OTOA: variants seen among roughly 807,000 people sequenced by gnomAD.
OTOA encodes otoancorin.
Under a neutral mutation model 110.8 loss-of-function variants are expected in OTOA, and 70 were observed. The ratio of observed to expected loss-of-function variants is 0.63; its 90% confidence interval spans 0.52 to 0.77. The LOEUF is 0.77. Among genes scored for constraint, OTOA ranks in the 30% least tolerant of loss-of-function variants. The pLI, the probability that OTOA is intolerant of heterozygous loss-of-function variation, is 0.00. For missense variants in OTOA, 917 were observed against 1,075.8 expected (o/e 0.85, Z 2.06); for synonymous variants, 373 against 431.5 (o/e 0.86, Z 1.68).
Position 21,678,528 on chromosome 16 carries a change from C to T in OTOA, c.14C>T (p.Pro5Leu). 1 of 1,613,310 alleles carries T rather than the reference C, an allele frequency of 6.2e-7. No homozygotes were observed. Among genetic ancestry groups the T allele is most frequent in the Non-Finnish European group, 8.5e-7 (1 of 1,179,782 alleles). Residue 5 changes from proline to leucine, a missense_variant, in exon 2 of 29, where the codon CCT becomes CTT. This residue lies in a region of OTOA where 840 missense variants were observed against 910.2 expected (regional missense o/e 0.92). Transcript: ENST00000646100. The part of the protein sequence containing the change: MSQE[P>L]TTYSLFLFLF... ...AACTACAGGAGAATGTCTCAGGAAC[C>T]TACGACATACTCCCTTTTCCTATTC...
intron 11 of OTOA, among the ~76,000 whole-genome samples, chr16:21,703,484 T>C (rs748092190): frequency 3.3e-4 from 51 of 152,292 alleles, no homozygotes; most frequent in Non-Finnish European, 6.2e-4. Flanking sequence ...GAGCATTCCA[T>C]TGTGTATCCA....
chr16:21,701,072 G>T (rs1468287152), intron 11 of OTOA, 45 bp downstream of exon 11: 2 of 1,613,290 alleles, frequency 1.2e-6, no homozygotes, highest in Non-Finnish European at 1.7e-6. Context: ...CCCAAGATGT[G>T]ATCTAAGCAT....
rs759489392 is a variant in OTOA at position 21,684,481 on chromosome 16, T to C, written c.268-749T>C. ...TAGCTTGGGTTTGGGCACAGTGCCA[T>C]CTGGGGTTCTAAACTTCCTGGACAA... On this transcript the variant is annotated intron_variant, in intron 6 of 28. Coordinates refer to ENST00000646100, the MANE Select transcript of OTOA (RefSeq NM_144672.4). 2.8e-4 allele frequency: 438 copies of C among 1,548,910 alleles called. 1 individual carries two copies. The highest frequency in any genetic ancestry group is 3.9e-4 in the East Asian group (16 of 40,842).
chr16:21,701,053 G>T (rs553929804), intron 11 of OTOA, 26 bp downstream of exon 11: 1 of 1,613,996 alleles, frequency 6.2e-7, no homozygotes, highest in Non-Finnish European at 8.5e-7. Flanking sequence ...CTGGGCCTTG[G>T]AGCCCTTTCC....
At chr16:21,731,848 C>T (rs527908720) in intron 21 of OTOA, among the ~76,000 whole-genome samples, 4 of 152,364 alleles carry the variant, frequency 2.6e-5, no homozygotes, top group African/African-American at 7.2e-5. Context: ...TGAACACACA[C>T]AACTTCACCT....
In OTOA at chr16:21,723,023, G is replaced by A. The variant is rs201379117; in HGVS notation, c.1880+45G>A. ...CACCTTCTGGCTCATCAGTGAGATCGGTGGGAATCACTGAAGTCAAAATGA... is the reference window on the plus strand; with the variant it reads ...CACCTTCTGGCTCATCAGTGAGATCAGTGGGAATCACTGAAGTCAAAATGA... On this transcript the variant is annotated intron_variant, in intron 18 of 28. Transcript: ENST00000646100. 1.1e-5 allele frequency: 17 copies of A among 1,578,882 alleles called. No individual in the cohort carries two copies. In the East Asian group the frequency reaches 1.1e-4, roughly 10 times the overall value.
intron 8 of OTOA, among the ~76,000 whole-genome samples, chr16:21,688,770 A>C (rs1308009981): frequency 1.3e-5 from 2 of 151,612 alleles, no homozygotes; most frequent in African/African-American, 4.9e-5. Flanking sequence ...TGACCTAATC[A>C]CCTCCTCAAA....
chr16:21,722,699 A>C (rs1355045204), intron 17 of OTOA, among the ~76,000 whole-genome samples: 1 of 152,146 alleles, frequency 6.6e-6, no homozygotes, highest in Non-Finnish European at 1.5e-5. Context: ...GAGCATTCTC[A>C]CACTTAAATG....
chr16:21,720,890 A>G lies in OTOA; in HGVS notation c.1806+1386A>G, dbSNP rs190704815. On this transcript the variant is annotated intron_variant, in intron 17 of 28. Transcript: ENST00000646100. ...TGCCTTTCTCGTTTATATTTTTACT[A>G]AAACACATTATTATTATTATTATTA... Among the ~76,000 whole-genome samples the G allele has an allele frequency of 3.5e-3, 438 of 123,984 alleles. 2 individuals carry two copies. The highest frequency in any genetic ancestry group is 5.5e-3 in the Admixed American group (68 of 12,362). The allele number at this position is 123,984 out of a possible 152,430, so 81.3% of individuals were successfully genotyped here. A position where few individuals can be genotyped will look rare whatever the true frequency, so the allele number is the denominator to read the frequency against.
chr16:21,717,451 A>T (rs1272565261), intron 15 of OTOA, among the ~76,000 whole-genome samples: 1 of 152,130 alleles, frequency 6.6e-6, no homozygotes, highest in Admixed American at 6.6e-5. Flanking sequence ...TTAAAAAAAA[A>T]GTTAGACAAG....
chr16:21,679,609 T>G (rs564243363), intron 5 of OTOA, among the ~76,000 whole-genome samples: 25 of 152,258 alleles, frequency 1.6e-4, no homozygotes, highest in Non-Finnish European at 3.4e-4. Flanking sequence ...TTCACCATGT[T>G]GGCCAGGCTG....
At chr16:21,756,231 A>T (rs976239003) in intron 27 of OTOA, among the ~76,000 whole-genome samples, 1 of 151,362 alleles carries the variant, frequency 6.6e-6, no homozygotes, top group Admixed American at 6.6e-5. Flanking sequence ...TTCAGAAGAC[A>T]CCTTGTTCAC....
chr16:21,702,819 G>A (rs905306772), intron 11 of OTOA, among the ~76,000 whole-genome samples: 1 of 152,070 alleles, frequency 6.6e-6, no homozygotes, highest in African/African-American at 2.4e-5. Context: ...GGGACTACAG[G>A]CACACGCCAC....
At chr16:21,699,883 C>T (rs1318685093) in intron 10 of OTOA, among the ~76,000 whole-genome samples, 1 of 151,970 alleles carries the variant, frequency 6.6e-6, no homozygotes, top group Non-Finnish European at 1.5e-5. Context: ...TGTGCCACTG[C>T]ACTCCAGCCT....
rs1260017531 is a variant in OTOA, at chr16:21,706,556, A to G, written c.1104+1264A>G. 5.3e-5 allele frequency among the ~76,000 whole-genome samples: 8 copies of G among 152,284 alleles called. No individual in the cohort carries two copies. In the South Asian group the frequency reaches 8.3e-4, roughly 16 times the overall value. On this transcript the variant is annotated intron_variant, in intron 12 of 28. Transcript: ENST00000646100. ...AGGGTGGTTATGAGTTCCCAAGACC[A>G]GATGAGCAAACACGCTCTCTCTCAT...
At chr16:21,679,122 A>G (rs1420505705) in intron 4 of OTOA, 56 bp downstream of exon 4, 2 of 1,612,926 alleles carry the variant, frequency 1.2e-6, no homozygotes, top group Non-Finnish European at 1.7e-6. Context: ...AACAGAATGT[A>G]GCTGTGATCT....
chr16:21,721,847 G>C (rs187602813), intron 17 of OTOA, among the ~76,000 whole-genome samples: 74 of 152,090 alleles, frequency 4.9e-4, no homozygotes, highest in Non-Finnish European at 6.5e-4. Flanking sequence ...AGTTATGATG[G>C]AGTCACTGCA....
At chr16:21,679,272 G>T in intron 5 of OTOA, 61 bp downstream of exon 5, 1 of 1,542,838 alleles carries the variant, frequency 6.5e-7, no homozygotes, top group South Asian at 1.1e-5. Context: ...AATTCTTAAT[G>T]GAAGTCTCTT....
At chr16:21,697,968 G>C (rs779117462) in intron 10 of OTOA, 93 bp downstream of exon 10, 1 of 1,147,006 alleles carries the variant, frequency 8.7e-7, no homozygotes, top group Non-Finnish European at 1.3e-6. Flanking sequence ...AGCCAGTCAA[G>C]GTGCCTTGGA....
Sources: allele counts gnomAD v4.1 joint callset (sites outside exome capture counted in the v4.1 genomes callset), GRCh38; gene constraint gnomAD v4.1.1; regional missense constraint gnomAD v4.1.1; transcripts MANE v1.5; gene names NCBI Gene and HGNC (gene_info 2026-07-23, HGNC 2026-07-21).